TAFA1: variants seen among roughly 807,000 people sequenced by gnomAD.
The protein encoded by TAFA1 is chemokine-like protein TAFA-1.
Under a neutral mutation model 18.5 loss-of-function variants are expected in TAFA1, and 4 were observed. The observed-to-expected ratio is 0.22, with a 90% CI of 0.11 to 0.49. The LOEUF is 0.49. Among genes scored for constraint, TAFA1 ranks in the 20% least tolerant of loss-of-function variants. The pLI, the probability that TAFA1 is intolerant of heterozygous loss-of-function variation, is 0.98. For synonymous variants in TAFA1, 56 were observed against 55.2 expected (o/e 1.01, Z -0.06); for missense variants, 147 against 169.0 (o/e 0.87, Z 0.72).
At chr3:68,454,864 T>A (rs1001089591) in intron 3 of TAFA1, among the ~76,000 whole-genome samples, 2 of 152,162 alleles carry the variant, frequency 1.3e-5, no homozygotes, top group Non-Finnish European at 2.9e-5. Flanking sequence ...TTCATTTTTT[T>A]AATTGACAAA....
intron 2 of TAFA1, among the ~76,000 whole-genome samples, chr3:68,377,887 C>T (rs1052921452): frequency 6.6e-6 from 1 of 152,222 alleles, no homozygotes; most frequent in African/African-American, 2.4e-5. Context: ...CCTGTTGCTT[C>T]AGAGGATGCA....
intron 2 of TAFA1, among the ~76,000 whole-genome samples, chr3:68,113,976 C>T (rs1048200563): frequency 6.8e-6 from 1 of 146,442 alleles, no homozygotes; most frequent in African/African-American, 2.5e-5. Flanking sequence ...ACAATCTCGG[C>T]TCACTGCAAC....
chr3:68,498,380 C>T (rs2668163), intron 3 of TAFA1, among the ~76,000 whole-genome samples: 31,651 of 151,990 alleles, frequency 0.21, 3,377 homozygotes, highest in Middle Eastern at 0.24. Context: ...CAAAGATACA[C>T]CTAGGAGGCA....
chr3:68,269,554 G>GA, intron 2 of TAFA1, among the ~76,000 whole-genome samples: 1 of 152,204 alleles, frequency 6.6e-6, no homozygotes, highest in Non-Finnish European at 1.5e-5. Flanking sequence ...AGGTAATGCT[G>GA]ATGCTACTGA....
chr3:68,512,507 G>T (rs536991845), intron 3 of TAFA1, among the ~76,000 whole-genome samples: 1 of 152,200 alleles, frequency 6.6e-6, no homozygotes, highest in Admixed American at 6.5e-5. Flanking sequence ...GCCTGTGGAA[G>T]GTCCAGGGCC....
At chr3:68,179,433 C>T (rs1483394419) in intron 2 of TAFA1, among the ~76,000 whole-genome samples, 1 of 152,116 alleles carries the variant, frequency 6.6e-6, no homozygotes, top group Non-Finnish European at 1.5e-5. Context: ...CATGTTGTTC[C>T]TGCTCATTTT....
chr3:68,201,983 T>A lies in TAFA1; in HGVS notation c.118+195239T>A, dbSNP rs547898398. ...GGGAAATCATTCATTCCTGTGAGAA[T>A]TAATCCAGTCTCACCAGAATGAGAA... is the stretch of plus-strand genomic sequence containing the variant. On this transcript the variant is annotated intron_variant, in intron 2 of 4. Coordinates refer to ENST00000478136, the MANE Select transcript of TAFA1 (RefSeq NM_213609.4). Among the ~76,000 whole-genome samples, 23 of 151,728 alleles carry A rather than the reference T, an allele frequency of 1.5e-4. No homozygotes were observed. The South Asian group carries it at 4.8e-3, about 31-fold the overall frequency.
In TAFA1 at chr3:68,154,331, C is replaced by A. The variant is rs560777894; in HGVS notation, c.118+147587C>A. Reference sequence around the variant, plus strand: ...GGCCAGATCTACCTACAAGATCCACCTGCAAGATCCCACCTTTACTGCAGG... The same window carrying A: ...GGCCAGATCTACCTACAAGATCCACATGCAAGATCCCACCTTTACTGCAGG... On this transcript the variant is annotated intron_variant, in intron 2 of 4. Transcript: ENST00000478136. 2.0e-5 allele frequency among the ~76,000 whole-genome samples: 3 copies of A among 152,282 alleles called. No individual in the cohort carries two copies. In the South Asian group the frequency reaches 6.2e-4, roughly 32 times the overall value.
chr3:68,023,327 C>G (rs1207783191), intron 2 of TAFA1, among the ~76,000 whole-genome samples: 1 of 152,120 alleles, frequency 6.6e-6, no homozygotes, highest in Non-Finnish European at 1.5e-5. Flanking sequence ...GAATTCAGAG[C>G]AGCATCTTTT....
At position 68,436,464 on chromosome 3, in the gene TAFA1, C is replaced by G. The variant is rs147387474; in HGVS notation, c.259+19044C>G. On this transcript the variant is annotated intron_variant, in intron 3 of 4. Transcript: ENST00000478136. ...AGGAGAGAAATCACAAAGCATGTTT[C>G]AAAGACACCAATTAGTTTGGCTGAG... Among the ~76,000 whole-genome samples, 153 of 152,196 alleles carry G rather than the reference C, an allele frequency of 1.0e-3. No homozygotes were observed. In the East Asian group the frequency reaches 0.023, roughly 23 times the overall value.
At chr3:68,145,141 C>T (rs1310551655) in intron 2 of TAFA1, 1 of 896,994 alleles carries the variant, frequency 1.1e-6, no homozygotes, top group Non-Finnish European at 1.9e-6. Context: ...TATGTTTGCT[C>T]CGTAATGACA....
intron 2 of TAFA1, among the ~76,000 whole-genome samples, chr3:68,358,351 A>G (rs746321684): frequency 1.3e-5 from 2 of 151,892 alleles, no homozygotes; most frequent in Non-Finnish European, 2.9e-5. Flanking sequence ...ATGGCATACC[A>G]TATGTCAAAT....
chr3:68,036,557 C>T (rs761839193), intron 2 of TAFA1, among the ~76,000 whole-genome samples: 2 of 152,008 alleles, frequency 1.3e-5, no homozygotes, highest in African/African-American at 2.4e-5. Flanking sequence ...TGCCTAAAGT[C>T]GTAGAGCCTG....
At chr3:68,319,017 C>T (rs1377239487) in intron 2 of TAFA1, among the ~76,000 whole-genome samples, 1 of 152,094 alleles carries the variant, frequency 6.6e-6, no homozygotes, top group African/African-American at 2.4e-5. Flanking sequence ...TCTCTTTCTC[C>T]TCTGCTGTCC....
intron 2 of TAFA1, among the ~76,000 whole-genome samples, chr3:68,181,389 A>G (rs1157398912): frequency 6.6e-6 from 1 of 152,118 alleles, no homozygotes; most frequent in Non-Finnish European, 1.5e-5. Flanking sequence ...AAAAAAAAAA[A>G]AAAAAACTTC....
At chr3:68,182,935 G>A (rs1439746196) in intron 2 of TAFA1, among the ~76,000 whole-genome samples, 1 of 152,058 alleles carries the variant, frequency 6.6e-6, no homozygotes. Context: ...TTTGTGTCTA[G>A]GTTCCAGAGG....
At chr3:68,295,275 T>C (rs1436836903) in intron 2 of TAFA1, among the ~76,000 whole-genome samples, 2 of 152,198 alleles carry the variant, frequency 1.3e-5, no homozygotes, top group Non-Finnish European at 2.9e-5. Flanking sequence ...TCATCTCCTT[T>C]AAGTATTGCC....
At chr3:67,998,537 C>T in the TAFA1 span, among the ~76,000 whole-genome samples, 328 of 152,266 alleles carry the variant, frequency 2.2e-3, 1 homozygote, top group Non-Finnish European at 3.4e-3. Flanking sequence ...GGGCAAGTGA[C>T]CCAAGTTAAA....
At chr3:68,303,583 A>C (rs1052776214) in intron 2 of TAFA1, among the ~76,000 whole-genome samples, 2 of 152,134 alleles carry the variant, frequency 1.3e-5, no homozygotes, top group East Asian at 3.9e-4. Flanking sequence ...CGAGTAGCTG[A>C]AACTACAGGC....
Sources: gnomAD v4.1 joint callset for allele counts (sites outside exome capture counted in the v4.1 genomes callset) on GRCh38, gnomAD v4.1.1 for gene constraint, MANE v1.5 for transcripts, NCBI Gene and HGNC (gene_info 2026-07-23, HGNC 2026-07-21) for gene names.